TMEFF2: variants seen among roughly 807,000 people sequenced by gnomAD.
The protein encoded by TMEFF2 is transmembrane protein with EGF like and two follistatin like domains 2, also known as tomoregulin-2.
Under a neutral mutation model 53.8 loss-of-function variants are expected in TMEFF2, and 28 were observed. The ratio of observed to expected loss-of-function variants is 0.52; its 90% confidence interval spans 0.39 to 0.71. The LOEUF is 0.71. Ranked by LOEUF, TMEFF2 falls within the 30% of genes least tolerant of loss-of-function variation. The pLI is 0.00. For synonymous variants in TMEFF2, 162 were observed against 166.3 expected (o/e 0.97, Z 0.20); for missense variants, 353 against 455.2 (o/e 0.78, Z 2.04).
At chr2:191,991,077 A>G (rs1156807816) in intron 7 of TMEFF2, among the ~76,000 whole-genome samples, 1 of 152,116 alleles carries the variant, frequency 6.6e-6, no homozygotes, top group African/African-American at 2.4e-5. Flanking sequence ...TGATCTAAAT[A>G]TACCATACAT....
In TMEFF2 at chr2:192,037,269, A is replaced by AAAAGAAAGAAAGAAAGAAAGAAAGAAAG. The variant is rs1440087652; in HGVS notation, c.536+20409_536+20410insCTTTCTTTCTTTCTTTCTTTCTTTCTTT. 33 of 72,590 alleles carry AAAAGAAAGAAAGAAAGAAAGAAAGAAAG rather than the reference A, an allele frequency of 4.5e-4. 3 individuals carry two copies. Among genetic ancestry groups the AAAAGAAAGAAAGAAAGAAAGAAAGAAAG allele is most frequent in the East Asian group, 1.3e-3 (3 of 2,306 alleles). The allele number at this position is 72,590 out of a possible 1,614,324, so 4.5% of individuals were successfully genotyped here. ...GCAGAATGCACTTCTAAGACTAGCC[A>AAAAGAAAGAAAGAAAGAAAGAAAGAAAG]AAATAAAGAAAGAAAGAAAGAAAGA... On this transcript the variant is annotated intron_variant, in intron 5 of 9. Transcript: ENST00000272771.
At chr2:192,106,299 A>G (rs980967199) in intron 4 of TMEFF2, among the ~76,000 whole-genome samples, 23 of 151,810 alleles carry the variant, frequency 1.5e-4, no homozygotes, top group Non-Finnish European at 2.8e-4. Context: ...ACAGAAAAAT[A>G]CATAAACTAT....
intron 5 of TMEFF2, among the ~76,000 whole-genome samples, chr2:192,049,230 GGTA>G (rs1687703443): frequency 6.6e-6 from 1 of 152,058 alleles, no homozygotes; most frequent in Non-Finnish European, 1.5e-5. Context: ...GACCCTGAGT[GGTA>G]GTTAAGAGCA....
chr2:192,115,783 A>G (rs1319471778), intron 4 of TMEFF2, among the ~76,000 whole-genome samples: 1 of 152,072 alleles, frequency 6.6e-6, no homozygotes, highest in East Asian at 1.9e-4. Flanking sequence ...GAAAAACACA[A>G]TGAGTATCAC....
chr2:192,184,710 A>G (rs970730140), intron 2 of TMEFF2, among the ~76,000 whole-genome samples: 6 of 152,270 alleles, frequency 3.9e-5, no homozygotes, highest in Middle Eastern at 3.4e-3. Flanking sequence ...AAGCATCTAA[A>G]TTGATCAGGC....
At position 192,194,027 on chromosome 2, in the gene TMEFF2, C is replaced by A. The variant is rs1691539762; in HGVS notation, c.172+326G>T. On this transcript the variant is annotated intron_variant, in intron 1 of 9. Coordinates refer to ENST00000272771, the MANE Select transcript of TMEFF2 (RefSeq NM_016192.4). This position sits in a 1 kb window ranked among gnomAD's most constrained non-coding sequence, Gnocchi z 4.2. ...TGACAAAGCTTCTGTTTCAGTGTTT[C>A]CCCTAGGATTGGTGCTCTTTCAAAA... is the stretch of plus-strand genomic sequence containing the variant. Among the ~76,000 whole-genome samples, 3 of 152,180 alleles carry A rather than the reference C, an allele frequency of 2.0e-5. No homozygotes were observed.
At chr2:192,004,375 T>A (rs1423548362) in intron 5 of TMEFF2, among the ~76,000 whole-genome samples, 1 of 152,202 alleles carries the variant, frequency 6.6e-6, no homozygotes, top group African/African-American at 2.4e-5. Context: ...CTACTACTTC[T>A]CATTTGTGGT....
chr2:192,050,135 A>T (rs1198247980), intron 5 of TMEFF2, among the ~76,000 whole-genome samples: 1 of 152,220 alleles, frequency 6.6e-6, no homozygotes, highest in South Asian at 2.1e-4. Context: ...TATGATTTTG[A>T]TATAAAATAG....
At chr2:191,970,675 A>G (rs1692612290) in intron 7 of TMEFF2, among the ~76,000 whole-genome samples, 1 of 152,074 alleles carries the variant, frequency 6.6e-6, no homozygotes, top group South Asian at 2.1e-4. Context: ...ATTCATGGTA[A>G]TTTTGTTATG....
At chr2:192,083,162 G>A (rs13017999) in intron 4 of TMEFF2, among the ~76,000 whole-genome samples, 43,871 of 151,888 alleles carry the variant, frequency 0.29, 6,791 homozygotes, top group Non-Finnish European at 0.36. Context: ...AGGTATAAAG[G>A]AAGGCAAAAT....
chr2:192,184,204 T>C, intron 3 of TMEFF2, 150 bp downstream of exon 3: 2 of 1,037,868 alleles, frequency 1.9e-6, no homozygotes, highest in Non-Finnish European at 2.8e-6. Context: ...TGACAAAGAA[T>C]AAGAATAACA....
intron 4 of TMEFF2, among the ~76,000 whole-genome samples, chr2:192,105,059 A>C (rs1432228220): frequency 6.6e-6 from 1 of 152,008 alleles, no homozygotes; most frequent in Admixed American, 6.6e-5. Context: ...GAATTTTGTC[A>C]CATGAATTAT....
At chr2:192,193,859 C>T (rs1233649298) in intron 1 of TMEFF2, among the ~76,000 whole-genome samples, 1 of 151,452 alleles carries the variant, frequency 6.6e-6, no homozygotes, top group Non-Finnish European at 1.5e-5. Context: ...TGGTCTTCAA[C>T]GGGAGACCAG....
intron 5 of TMEFF2, among the ~76,000 whole-genome samples, chr2:192,041,615 T>C (rs1244548191): frequency 1.3e-5 from 2 of 152,152 alleles, no homozygotes; most frequent in African/African-American, 2.4e-5. Flanking sequence ...CTCCTATGTA[T>C]ATACCCGAGA....
At chr2:192,148,800 T>A (rs1218756757) in intron 4 of TMEFF2, among the ~76,000 whole-genome samples, 7 of 152,070 alleles carry the variant, frequency 4.6e-5, no homozygotes, top group African/African-American at 1.7e-4. Context: ...AGACTTTATT[T>A]ACGATTCATT....
At chr2:192,107,068 A>G (rs928214704) in intron 4 of TMEFF2, among the ~76,000 whole-genome samples, 2 of 151,738 alleles carry the variant, frequency 1.3e-5, no homozygotes, top group Non-Finnish European at 3.0e-5. Flanking sequence ...GTAATAGTGA[A>G]ATATAAGGCT....
At chr2:192,060,857 A>G (rs1688027372) in intron 4 of TMEFF2, among the ~76,000 whole-genome samples, 1 of 152,140 alleles carries the variant, frequency 6.6e-6, no homozygotes, top group Non-Finnish European at 1.5e-5. Flanking sequence ...ATTATTTCCC[A>G]TTATTTTATA....
intron 7 of TMEFF2, among the ~76,000 whole-genome samples, chr2:191,988,519 A>T (rs1019049406): frequency 1.3e-5 from 2 of 152,214 alleles, no homozygotes; most frequent in Non-Finnish European, 2.9e-5. Context: ...TTGGATGTGT[A>T]CTGCCTGACA....
At chr2:191,982,526 G>C (rs1298203436) in intron 7 of TMEFF2, among the ~76,000 whole-genome samples, 1 of 138,612 alleles carries the variant, frequency 7.2e-6, no homozygotes, top group East Asian at 2.1e-4. Flanking sequence ...AAAAGTCAAA[G>C]AGCATGGAGA....
Sources: gnomAD v4.1 joint callset for allele counts (sites outside exome capture counted in the v4.1 genomes callset) on GRCh38, gnomAD v4.1.1 for gene constraint, Gnocchi (gnomAD v3.1) non-coding constraint, MANE v1.5 for transcripts, NCBI Gene and HGNC (gene_info 2026-07-23, HGNC 2026-07-21) for gene names.